NDN: variants seen among roughly 807,000 people sequenced by gnomAD.
NDN encodes the protein necdin.
For synonymous variants in NDN, 245 were observed against 189.4 expected (o/e 1.29, Z -2.41); for missense variants, 465 against 440.4 (o/e 1.06, Z -0.50).
chr15:23,686,461 C>T lies in NDN; in HGVS notation c.757G>A (p.Val253Met), dbSNP rs780814235. The T allele has an allele frequency of 6.8e-6, 11 of 1,611,936 alleles. No individual in the cohort carries two copies. Among genetic ancestry groups the T allele is most frequent in the Non-Finnish European group, 8.5e-6 (10 of 1,178,732 alleles). Residue 253 changes from valine (V) to methionine (M), a missense_variant, in exon 1 of 1, where the codon GTG becomes ATG. Val to Met is a conservative substitution (Grantham distance 21). Coordinates refer to ENST00000649030, the MANE Select transcript of NDN (RefSeq NM_002487.3). ...AAGAACTCGTATTCGGGCGGCTCCACGTATGGGACGCGCTGGTACTTCAGG... is the reference window on the plus strand; with the variant it reads ...AAGAACTCGTATTCGGGCGGCTCCATGTATGGGACGCGCTGGTACTTCAGG... Reference protein sequence around the residue: ...NYLKYQRVPYVEPPEYEFFWG... With the variant: ...NYLKYQRVPYMEPPEYEFFWG...
chr15:23,685,735 G>A lies in NDN; in HGVS notation c.*517C>T, dbSNP rs1891134075. 6.6e-6 allele frequency: 1 copy of A among 152,194 alleles called. No homozygotes were observed. Among genetic ancestry groups the A allele is most frequent in the African/African-American group, 2.4e-5 (1 of 41,426 alleles). 9.4% of individuals were successfully genotyped at this position (152,194 alleles called of 1,614,324 possible). On this transcript the variant is annotated 3_prime_UTR_variant, in exon 1 of 1. Coordinates refer to ENST00000649030, the MANE Select transcript of NDN (RefSeq NM_002487.3). ...TTTAAAGTTGACTCACGGTGGGGTT[G>A]TATATGTGTTTAGTAAAGTGTGCCA...
At position 23,686,871 on chromosome 15, in the gene NDN, T is replaced by C. The variant is rs1442300533; in HGVS notation, c.347A>G (p.Lys116Arg). 1 of 1,614,010 alleles carries C rather than the reference T, an allele frequency of 6.2e-7. No individual in the cohort carries two copies. Among genetic ancestry groups the C allele is most frequent in the Non-Finnish European group, 8.5e-7 (1 of 1,180,002 alleles). ...CATGTCTGGAAACCAGATGATCATC[T>C]TCTTCTGGTCCTTGACCAGCACGTA... is the stretch of plus-strand genomic sequence containing the variant. The part of the protein sequence containing the change: ...MWYVLVKDQK[K>R]MIIWFPDMVK... Residue 116 changes from lysine to arginine, a missense_variant, in exon 1 of 1, where the codon AAG becomes AGG. By Grantham distance (26) the Lys-to-Arg change is conservative. Coordinates refer to ENST00000649030, the MANE Select transcript of NDN (RefSeq NM_002487.3).
Position 23,686,183 on chromosome 15 carries a change from A to C in NDN, c.*69T>G. 6.7e-7 allele frequency: 1 copy of C among 1,485,594 alleles called. No individual in the cohort carries two copies. Among genetic ancestry groups the C allele is most frequent in the Non-Finnish European group, 8.9e-7 (1 of 1,118,612 alleles). 92.0% of individuals were successfully genotyped at this position (1,485,594 alleles called of 1,614,324 possible). On this transcript the variant is annotated 3_prime_UTR_variant, in exon 1 of 1. Coordinates refer to ENST00000649030, the MANE Select transcript of NDN (RefSeq NM_002487.3). ...CTGCACTGTAAATCCTGAATACTATAATGACCCACCCCCACCCTTCCACAG... is the reference window on the plus strand; with the variant it reads ...CTGCACTGTAAATCCTGAATACTATCATGACCCACCCCCACCCTTCCACAG...
rs1891169869 is a variant in NDN, at chr15:23,687,252, T to A, written c.-35A>T. The A allele has an allele frequency of 2.9e-6, 4 of 1,378,004 alleles. No individual in the cohort carries two copies. The highest frequency in any genetic ancestry group is 1.9e-6 in the Non-Finnish European group (2 of 1,059,608). 85.4% of individuals were successfully genotyped at this position (1,378,004 alleles called of 1,614,324 possible). A position where few individuals can be genotyped will look rare whatever the true frequency, so the allele number is the denominator to read the frequency against. ...GTCTGGCAAGGGCAGGGCCTCTGCG[T>A]CCAGGAGCTCTTCGAGCCTGCGCTC... On this transcript the variant is annotated 5_prime_UTR_variant, in exon 1 of 1. Coordinates refer to ENST00000649030, the MANE Select transcript of NDN (RefSeq NM_002487.3).
rs1334264533 is a variant in NDN, at chr15:23,686,962, C to A, written c.256G>T (p.Ala86Ser). Residue 86 changes from alanine to serine, a missense_variant, in exon 1 of 1, where the codon GCC becomes TCC. Transcript: ENST00000649030. ...GCTGGCGGTGCCGGGCCCGGCTGGGCCGCGCTCGGGGCCTGGTGGGCGCGG... is the reference window on the plus strand; with the variant it reads ...GCTGGCGGTGCCGGGCCCGGCTGGGACGCGCTCGGGGCCTGGTGGGCGCGG... ...EGRAHQAPSAAQPGPAPPAPA... is the reference protein window; with the variant it reads ...EGRAHQAPSASQPGPAPPAPA... 1.3e-6 allele frequency: 2 copies of A among 1,585,934 alleles called. No individual in the cohort carries two copies. Among genetic ancestry groups the A allele is most frequent in the African/African-American group, 2.7e-5 (2 of 73,964 alleles).
rs909454901 is a variant in NDN at position 23,685,929 on chromosome 15, C to T, written c.*323G>A. The T allele has an allele frequency of 2.9e-5, 5 of 172,646 alleles. No individual in the cohort carries two copies. Among genetic ancestry groups the T allele is most frequent in the Non-Finnish European group, 4.9e-5 (4 of 81,692 alleles). The allele number at this position is 172,646 out of a possible 1,614,324, so 10.7% of individuals were successfully genotyped here. A position where few individuals can be genotyped will look rare whatever the true frequency, so the allele number is the denominator to read the frequency against. On this transcript the variant is annotated 3_prime_UTR_variant, in exon 1 of 1. Transcript: ENST00000649030. Reference sequence around the variant, plus strand: ...TCTACCCCAACACACATCATCAGTCCCATATAAAAGAATAAGATGGAAACT... The same window carrying T: ...TCTACCCCAACACACATCATCAGTCTCATATAAAAGAATAAGATGGAAACT...
In NDN at chr15:23,686,932, C is replaced by G; in HGVS notation, c.286G>C (p.Ala96Pro). 6.2e-7 allele frequency: 1 copy of G among 1,611,710 alleles called. No individual in the cohort carries two copies. The highest frequency in any genetic ancestry group is 2.2e-5 in the East Asian group (1 of 44,744). The change falls in exon 1 of 1, where the codon GCG becomes CCG. Residue 96 changes from alanine to proline, a missense_variant. Transcript: ENST00000649030. ...TCGTGCGCCTTCTGCACCAGCTGCG[C>G]CGGGGCTGGCGGTGCCGGGCCCGGC... ...AQPGPAPPAP[A>P]QLVQKAHELM...
rs200315781 is a variant in NDN at position 23,686,956 on chromosome 15, G to C, written c.262C>G (p.Pro88Ala). 22 of 1,578,610 alleles carry C rather than the reference G, an allele frequency of 1.4e-5. No homozygotes were observed. The highest frequency in any genetic ancestry group is 2.3e-5 in the East Asian group (1 of 43,450). ...GCCGGGGCTGGCGGTGCCGGGCCCG[G>C]CTGGGCCGCGCTCGGGGCCTGGTGG... ...RAHQAPSAAQ[P>A]GPAPPAPAQL... Residue 88 changes from proline (P) to alanine (A), a missense_variant, in exon 1 of 1, where the codon CCG becomes GCG. By Grantham distance (27) the Pro-to-Ala change is conservative. Transcript: ENST00000649030.
At position 23,686,578 on chromosome 15, in the gene NDN, G is replaced by A. The variant is rs1321538688; in HGVS notation, c.640C>T (p.Leu214=). ...CAGGGCCGCAGCCCCAGGATGCGCA[G>A]CACGTTCCAGACGGCGCTCTCTCTG... The part of the protein sequence containing the change: ...GARESAVWNV[L]RILGLRPWKK... Residue 214 remains leucine, a synonymous_variant, in exon 1 of 1, where the codon CTG becomes TTG. Coordinates refer to ENST00000649030, the MANE Select transcript of NDN (RefSeq NM_002487.3). 6.2e-7 allele frequency: 1 copy of A among 1,613,314 alleles called. No individual in the cohort carries two copies. Among genetic ancestry groups the A allele is most frequent in the Admixed American group, 1.7e-5 (1 of 60,032 alleles).
Position 23,687,087 on chromosome 15 carries a change from G to T in NDN, c.131C>A (p.Pro44His). 6.3e-7 allele frequency: 1 copy of T among 1,576,702 alleles called. No homozygotes were observed. ...CGGAGCGGCCGTCGGGCCTAGAGGA[G>T]GGCTCTGCGGCTCTGCCAGGGTCGC... ...PSATLAEPQSPPLGPTAAPQA... is the reference protein window; with the variant it reads ...PSATLAEPQSHPLGPTAAPQA... The change falls in exon 1 of 1, where the codon CCT (proline) becomes CAT (histidine). Residue 44 changes from proline (P) to histidine (H), a missense_variant. Pro to His is a moderately conservative substitution (Grantham distance 77, BLOSUM62 -2). Transcript: ENST00000649030.
rs1184016827 is a variant in NDN at position 23,686,148 on chromosome 15, C to T, written c.*104G>A. 5.1e-6 allele frequency: 7 copies of T among 1,364,206 alleles called. No homozygotes were observed. Among genetic ancestry groups the T allele is most frequent in the Non-Finnish European group, 6.8e-6 (7 of 1,031,280 alleles). The allele number at this position is 1,364,206 out of a possible 1,614,324, so 84.5% of individuals were successfully genotyped here. On this transcript the variant is annotated 3_prime_UTR_variant, in exon 1 of 1. Coordinates refer to ENST00000649030, the MANE Select transcript of NDN (RefSeq NM_002487.3). Reference sequence around the variant, plus strand: ...CACTGTACTGAAAACTTAAAAGTTACACGTGAATACTGCACTGTAAATCCT... The same window carrying T: ...CACTGTACTGAAAACTTAAAAGTTATACGTGAATACTGCACTGTAAATCCT...
Position 23,686,531 on chromosome 15 carries a change from C to T in NDN, c.687G>A (p.Gly229=). ...LRPWKKHSTF[G]DVRKLITEEF... ...CCTCAGTGATGAGCTTCCGCACGTCCCCGAAGGTGGAGTGCTTCTTCCAGG... is the reference window on the plus strand; with the variant it reads ...CCTCAGTGATGAGCTTCCGCACGTCTCCGAAGGTGGAGTGCTTCTTCCAGG... Residue 229 remains glycine, a synonymous_variant, in exon 1 of 1, where the codon GGG becomes GGA. Transcript: ENST00000649030. 3 of 1,613,528 alleles carry T rather than the reference C, an allele frequency of 1.9e-6. No individual in the cohort carries two copies. Among genetic ancestry groups the T allele is most frequent in the Non-Finnish European group, 2.5e-6 (3 of 1,180,030 alleles).
At position 23,686,955 on chromosome 15, in the gene NDN, G is replaced by C; in HGVS notation, c.263C>G (p.Pro88Arg). The C allele has an allele frequency of 1.2e-6, 2 of 1,600,470 alleles. No homozygotes were observed. The highest frequency in any genetic ancestry group is 1.1e-5 in the South Asian group (1 of 90,062). The change falls in exon 1 of 1, where the codon CCG becomes CGG. Residue 88 changes from proline (P) to arginine (R), a missense_variant. By Grantham distance (103) the Pro-to-Arg change is moderately radical. Transcript: ENST00000649030. ...RAHQAPSAAQ[P>R]GPAPPAPAQL... Reference sequence around the variant, plus strand: ...CGCCGGGGCTGGCGGTGCCGGGCCCGGCTGGGCCGCGCTCGGGGCCTGGTG... The same window carrying C: ...CGCCGGGGCTGGCGGTGCCGGGCCCCGCTGGGCCGCGCTCGGGGCCTGGTG...
rs142210120 is a variant in NDN at position 23,686,450 on chromosome 15, G to A, written c.768C>T (p.Pro256=). ...GGGAGCCCCAAAAGAACTCGTATTCGGGCGGCTCCACGTATGGGACGCGCT... is the reference window on the plus strand; with the variant it reads ...GGGAGCCCCAAAAGAACTCGTATTCAGGCGGCTCCACGTATGGGACGCGCT... ...KYQRVPYVEP[P]EYEFFWGSRA... Residue 256 remains proline (P), a synonymous_variant, in exon 1 of 1, where the codon CCC becomes CCT. Transcript: ENST00000649030. 597 of 1,610,292 alleles carry A rather than the reference G, an allele frequency of 3.7e-4. 1 individual carries two copies. The African/African-American group carries it at 4.8e-3, about 13-fold the overall frequency.
Position 23,686,221 on chromosome 15 carries a change from T to G in NDN, c.*31A>C. On this transcript the variant is annotated 3_prime_UTR_variant, in exon 1 of 1. Coordinates refer to ENST00000649030, the MANE Select transcript of NDN (RefSeq NM_002487.3). Reference sequence around the variant, plus strand: ...CACCCTTCCACAGCCCTGGTGAGGGTCAGAAACCATTCATCTGCCTCCAGA... The same window carrying G: ...CACCCTTCCACAGCCCTGGTGAGGGGCAGAAACCATTCATCTGCCTCCAGA... 6.7e-7 allele frequency: 1 copy of G among 1,501,788 alleles called. No individual in the cohort carries two copies. Among genetic ancestry groups the G allele is most frequent in the Non-Finnish European group, 8.9e-7 (1 of 1,127,540 alleles). The allele number at this position is 1,501,788 out of a possible 1,614,324, so 93.0% of individuals were successfully genotyped here.
Position 23,686,447 on chromosome 15 carries a change from T to C in NDN, c.771A>G (p.Glu257=). Residue 257 remains glutamate (E), a synonymous_variant, in exon 1 of 1, where the codon GAA becomes GAG. Coordinates refer to ENST00000649030, the MANE Select transcript of NDN (RefSeq NM_002487.3). ...CCCGGGAGCCCCAAAAGAACTCGTA[T>C]TCGGGCGGCTCCACGTATGGGACGC... ...YQRVPYVEPP[E]YEFFWGSRAS... is the part of the protein sequence containing the mutation. The C allele has an allele frequency of 6.2e-7, 1 of 1,610,372 alleles. No individual in the cohort carries two copies. Among genetic ancestry groups the C allele is most frequent in the East Asian group, 2.2e-5 (1 of 44,800 alleles).
Position 23,686,736 on chromosome 15 carries a change from T to A in NDN, c.482A>T (p.His161Leu), listed in dbSNP as rs1891151222. 1 of 1,613,904 alleles carries A rather than the reference T, an allele frequency of 6.2e-7. No individual in the cohort carries two copies. The highest frequency in any genetic ancestry group is 1.1e-5 in the South Asian group (1 of 91,068). ...TTTGACCAGCGCAAACTCCATGGTG[T>A]GCAGGCTGGTTAGCCTCAGGTGCAG... ...FGLHLRLTSL[H>L]TMEFALVKAL... The change falls in exon 1 of 1, where the codon CAC (histidine) becomes CTC (leucine). Residue 161 changes from histidine to leucine, a missense_variant. By Grantham distance (99) the His-to-Leu change is moderately conservative. Coordinates refer to ENST00000649030, the MANE Select transcript of NDN (RefSeq NM_002487.3).
In NDN at chr15:23,687,303, T is replaced by C. The variant is rs1891172293; in HGVS notation, c.-86A>G. On this transcript the variant is annotated 5_prime_UTR_variant, in exon 1 of 1. Transcript: ENST00000649030. ...CCTCCGCGGATTCCTGGAGAGGAAG[T>C]GCGCGTTGCTGCGCGCGGCGCCTTC... 1.5e-6 allele frequency: 2 copies of C among 1,296,842 alleles called. No individual in the cohort carries two copies. The highest frequency in any genetic ancestry group is 3.2e-5 in the Admixed American group (1 of 31,458). The allele number at this position is 1,296,842 out of a possible 1,614,324, so 80.3% of individuals were successfully genotyped here. A position where few individuals can be genotyped will look rare whatever the true frequency, so the allele number is the denominator to read the frequency against.
chr15:23,687,123 A>AC lies in NDN; in HGVS notation c.94dup (p.Val32GlyfsTer206). The AC allele has an allele frequency of 6.3e-7, 1 of 1,578,696 alleles. No individual in the cohort carries two copies. The highest frequency in any genetic ancestry group is 2.4e-5 in the East Asian group (1 of 40,858). Reference sequence around the variant, plus strand: ...CTCTGCCAGGGTCGCGGACGGAGGAACCCCCTCCGAAACCCCAGGGCTGCT... The same window carrying AC: ...CTCTGCCAGGGTCGCGGACGGAGGAACCCCCCTCCGAAACCCCAGGGCTGCT... On this transcript the variant is annotated frameshift_variant, in exon 1 of 1. Coordinates refer to ENST00000649030, the MANE Select transcript of NDN (RefSeq NM_002487.3). LOFTEE classifies it low-confidence loss of function (END_TRUNC).
Sources: allele counts gnomAD v4.1 joint callset, GRCh38; gene constraint gnomAD v4.1.1; transcripts MANE v1.5; gene names NCBI Gene and HGNC (gene_info 2026-07-23, HGNC 2026-07-21).